DNASE1L1: variants seen among roughly 807,000 people sequenced by gnomAD.
The protein encoded by DNASE1L1 is deoxyribonuclease-1-like 1.
A neutral mutation model predicts 18.6 loss-of-function variants in DNASE1L1; 8 were observed. That is an observed-to-expected ratio of 0.43 (90% CI 0.25 to 0.78). The LOEUF (loss-of-function observed/expected upper bound fraction) is 0.78, where lower values mean the gene tolerates loss of function less well. DNASE1L1 is among the 30% of genes least tolerant of loss of function. The probability of loss-of-function intolerance (pLI) is 0.23; values close to 1 mark genes in which losing one functional copy is unlikely to be tolerated. For missense variants in DNASE1L1, 214 were observed against 258.2 expected (o/e 0.83, Z 1.17); for synonymous variants, 114 against 114.2 (o/e 1.00, Z 0.01).
intron 2 of DNASE1L1, 152 bp downstream of exon 2, chrX:154,405,282 T>C (rs1289146496): frequency 4.1e-6 from 4 of 976,774 alleles, no homozygotes; most frequent in Non-Finnish European, 5.6e-6. Context: ...AGGAGGAGAC[T>C]GAGGCCAGCA....
Position 154,409,114 on chromosome X carries a change from G to A in DNASE1L1, c.-90C>T, listed in dbSNP as rs1557189160. 1 of 341,699 alleles carries A rather than the reference G, an allele frequency of 2.9e-6. No homozygotes were observed. The highest frequency in any genetic ancestry group is 3.1e-5 in the Admixed American group (1 of 32,309). 28.2% of individuals were successfully genotyped at this position (341,699 alleles called of 1,213,427 possible). A position where few individuals can be genotyped will look rare whatever the true frequency, so the allele number is the denominator to read the frequency against. ...GTCTCCCCAGGGGGCTCCCATACCT[G>A]CTCAGACCAGCTTGTCACCAAGTCT... is the stretch of plus-strand genomic sequence containing the variant. On this transcript the variant is annotated splice_region_variant and 5_prime_UTR_variant, in exon 1 of 8. Coordinates refer to ENST00000369807, the MANE Select transcript of DNASE1L1 (RefSeq NM_001303620.2).
intron 4 of DNASE1L1, 123 bp downstream of exon 4, chrX:154,404,705 C>T: frequency 4.9e-6 from 3 of 610,934 alleles, no homozygotes; most frequent in Non-Finnish European, 7.6e-6. Flanking sequence ...GAAGAGAAAG[C>T]ATGCAAAGCA....
At position 154,403,169 on chromosome X, in the gene DNASE1L1, A is replaced by G; in HGVS notation, c.547T>C (p.Phe183Leu). Residue 183 changes from phenylalanine to leucine, a missense_variant, in exon 7 of 8, where the codon TTC becomes CTC. Transcript: ENST00000369807. ...QSKDVILLGD[F>L]NADCASLTKK... The stretch of plus-strand genomic sequence containing the variant: ...GTCAGTGAAGCGCAGTCAGCATTGA[A>G]GTCCCCAAGCAGGATCACGTCCTAG... The G allele has an allele frequency of 8.3e-7, 1 of 1,211,563 alleles. No individual in the cohort carries two copies. The highest frequency in any genetic ancestry group is 1.1e-6 in the Non-Finnish European group (1 of 895,445).
In DNASE1L1 at chrX:154,401,433, C is replaced by G. The variant is rs782254751; in HGVS notation, c.*1274G>C. The G allele has an allele frequency of 4.4e-5, 6 of 137,625 alleles. No individual in the cohort carries two copies. The highest frequency in any genetic ancestry group is 8.8e-5 in the Non-Finnish European group (6 of 68,357). The allele number at this position is 137,625 out of a possible 1,213,427, so 11.3% of individuals were successfully genotyped here. A position where few individuals can be genotyped will look rare whatever the true frequency, so the allele number is the denominator to read the frequency against. ...CCCATGCCCCCACCCCTTCTAGAAC[C>G]TGCATTCCCAGGGCCTTCACCACCT... On this transcript the variant is annotated 3_prime_UTR_variant, in exon 8 of 8. Coordinates refer to ENST00000369807, the MANE Select transcript of DNASE1L1 (RefSeq NM_001303620.2).
intron 1 of DNASE1L1, among the ~76,000 whole-genome samples, chrX:154,408,009 T>C (rs2148167899): frequency 9.2e-6 from 1 of 108,759 alleles, no homozygotes; most frequent in South Asian, 4.0e-4. Context: ...CTCAGTTCAC[T>C]GCAACCTCCG....
chrX:154,409,542 G>A (rs188876685), upstream of DNASE1L1: 4 of 129,808 alleles, frequency 3.1e-5, no homozygotes, highest in East Asian at 2.4e-4. Context: ...TGGGGAAGGC[G>A]CAGGAGCTGG....
At chrX:154,409,632 T>C (rs2068224465), upstream of DNASE1L1, 1 of 118,973 alleles carries the variant, frequency 8.4e-6, no homozygotes, top group Admixed American at 8.7e-5. Flanking sequence ...TGAGTCCCAG[T>C]GTGGCTGCAC....
At position 154,402,442 on chromosome X, in the gene DNASE1L1, A is replaced by G; in HGVS notation, c.*265T>C. The G allele has an allele frequency of 3.3e-6, 1 of 305,951 alleles. No individual in the cohort carries two copies. The highest frequency in any genetic ancestry group is 5.8e-6 in the Non-Finnish European group (1 of 173,211). 25.2% of individuals were successfully genotyped at this position (305,951 alleles called of 1,213,427 possible). On this transcript the variant is annotated 3_prime_UTR_variant, in exon 8 of 8. Transcript: ENST00000369807. ...CTCTTTCTGAACCCTCCCTTCCCCTACCCCAACCCAGAGCCCACTTTGTCT... is the reference window on the plus strand; with the variant it reads ...CTCTTTCTGAACCCTCCCTTCCCCTGCCCCAACCCAGAGCCCACTTTGTCT...
chrX:154,407,587 C>CTTT (rs782217648), intron 1 of DNASE1L1, among the ~76,000 whole-genome samples: 3 of 74,763 alleles, frequency 4.0e-5, no homozygotes, highest in Non-Finnish European at 7.4e-5. Context: ...CCTAGTCTAC[C>CTTT]TTTTTTTTTT....
chrX:154,411,561 C>T (rs782202322), upstream of DNASE1L1: 5 of 383,263 alleles, frequency 1.3e-5, no homozygotes, highest in South Asian at 8.3e-5. Context: ...TTGCACCGGG[C>T]CGGGGTGCCA....
chrX:154,402,909 C>A (rs782073484), intron 7 of DNASE1L1, 33 bp downstream of exon 7: 2 of 1,205,379 alleles, frequency 1.7e-6, no homozygotes, highest in Non-Finnish European at 2.2e-6. Flanking sequence ...CCTGCTGCTG[C>A]CCTCCCTCCT....
Position 154,409,214 on chromosome X carries a change from A to G in DNASE1L1, c.-190T>C. ...GAATAGGGCTAGGAGGGGAAAAAAA[A>G]GAGGAAGAGGCTGTGTTCCTGAGCC... is the stretch of plus-strand genomic sequence containing the variant. On this transcript the variant is annotated 5_prime_UTR_variant, in exon 1 of 8. Transcript: ENST00000369807. 3.2e-6 allele frequency: 1 copy of G among 317,075 alleles called. No homozygotes were observed. Among genetic ancestry groups the G allele is most frequent in the Non-Finnish European group, 6.4e-6 (1 of 156,984 alleles). The allele number at this position is 317,075 out of a possible 1,213,427, so 26.1% of individuals were successfully genotyped here. A position where few individuals can be genotyped will look rare whatever the true frequency, so the allele number is the denominator to read the frequency against.
intron 2 of DNASE1L1, 42 bp from the exon 3 acceptor site, chrX:154,405,125 G>T (rs782256687): frequency 2.3e-5 from 27 of 1,156,688 alleles, no homozygotes; most frequent in Non-Finnish European, 3.0e-5. Flanking sequence ...AGTGCCAACT[G>T]CCCTGAGAGG....
chrX:154,406,664 CTT>C (rs782761679), intron 1 of DNASE1L1, among the ~76,000 whole-genome samples: 30 of 86,127 alleles, frequency 3.5e-4, no homozygotes, highest in Non-Finnish European at 3.7e-4. Context: ...CCACCGTGTC[CTT>C]TTTTTTTTTT....
At chrX:154,405,308 C>T (rs900341461) in intron 2 of DNASE1L1, 126 bp downstream of exon 2, 43 of 1,059,086 alleles carry the variant, frequency 4.1e-5, no homozygotes, top group Non-Finnish European at 5.3e-5. Flanking sequence ...CAAGCGCCTG[C>T]GCTGCATCTC....
rs901296786 is a variant in DNASE1L1, at chrX:154,401,308, C to T, written c.*1399G>A. Reference sequence around the variant, plus strand: ...GTGCATCACATTGGGCTTGTTCTCACCCATCTGGTTTGGCCATTCCTCCTT... The same window carrying T: ...GTGCATCACATTGGGCTTGTTCTCATCCATCTGGTTTGGCCATTCCTCCTT... On this transcript the variant is annotated 3_prime_UTR_variant, in exon 8 of 8. Coordinates refer to ENST00000369807, the MANE Select transcript of DNASE1L1 (RefSeq NM_001303620.2). 7 of 202,392 alleles carry T rather than the reference C, an allele frequency of 3.5e-5. No individual in the cohort carries two copies. Among genetic ancestry groups the T allele is most frequent in the African/African-American group, 1.2e-4 (4 of 34,297 alleles). The allele number at this position is 202,392 out of a possible 1,213,427, so 16.7% of individuals were successfully genotyped here.
In DNASE1L1 at chrX:154,403,124, G is replaced by A. The variant is rs1557187367; in HGVS notation, c.592C>T (p.Leu198=). Residue 198 remains leucine (L), a synonymous_variant, in exon 7 of 8, where the codon CTG becomes TTG. Transcript: ENST00000369807. ...ASLTKKRLDK[L]ELRTEPGFHW... ...AAGCCTGGCTCAGTCCGCAGCTCCA[G>A]CTTGTCCAGGCGCTTTTTGGTCAGT... 1 of 1,211,833 alleles carries A rather than the reference G, an allele frequency of 8.3e-7. No homozygotes were observed. The highest frequency in any genetic ancestry group is 1.1e-6 in the Non-Finnish European group (1 of 895,575).
intron 1 of DNASE1L1, among the ~76,000 whole-genome samples, chrX:154,406,507 C>A (rs1162804687): frequency 1.9e-5 from 2 of 106,479 alleles, no homozygotes; most frequent in African/African-American, 6.9e-5. Flanking sequence ...ATAGCTGGGA[C>A]TACAGGCACG....
chrX:154,412,069 T>G (rs62617809), upstream of DNASE1L1: 2 of 1,206,372 alleles, frequency 1.7e-6, no homozygotes, highest in Non-Finnish European at 2.2e-6. Context: ...AGCGCCTGAC[T>G]TCTCCTTCCC....
Sources: gnomAD v4.1 joint callset for allele counts (sites outside exome capture counted in the v4.1 genomes callset) on GRCh38, gnomAD v4.1.1 for gene constraint, MANE v1.5 for transcripts, NCBI Gene and HGNC (gene_info 2026-07-23, HGNC 2026-07-21) for gene names.